The following NCR2 variants were observed in gnomAD, a reference collection of about 807,000 sequenced individuals.
NCR2 encodes NK cell activating receptor (NKp44).
NCR2 carries 35 observed loss-of-function variants against 30.7 expected under a neutral mutation model. The ratio of observed to expected loss-of-function variants is 1.14; its 90% CI spans 0.87 to 1.51. The LOEUF (loss-of-function observed/expected upper bound fraction) is 1.51. Among genes scored for constraint, NCR2 ranks in the 40% most tolerant of loss-of-function variants. NCR2 has a pLI of 0.00. For synonymous variants in NCR2, 146 were observed against 134.8 expected, an observed-to-expected ratio of 1.08 and a Z score of -0.58; for missense variants, 316 against 328.9, an observed-to-expected ratio of 0.96 and a Z score of 0.30.
intron 4 of NCR2, among the ~76,000 whole-genome samples, chr6:41,348,675 G>C (rs747360672): frequency 5.7e-4 from 86 of 152,044 alleles, no homozygotes; most frequent in Middle Eastern, 3.2e-3. Context: ...TCCTCAGGCT[G>C]CTTCCTGCCA....
intron 2 of NCR2, among the ~76,000 whole-genome samples, chr6:41,340,587 G>C (rs1769145113): frequency 6.6e-6 from 1 of 152,196 alleles, no homozygotes; most frequent in Admixed American, 6.5e-5. Flanking sequence ...TCTATATCCT[G>C]TTCAATGAGA....
At chr6:41,341,675 T>G in intron 2 of NCR2, 119 bp from the exon 3 acceptor site, 3 of 1,321,114 alleles carry the variant, frequency 2.3e-6, no homozygotes, top group Non-Finnish European at 3.1e-6. Flanking sequence ...ATTAGTTTTC[T>G]TCTCTGGGCG....
intron 4 of NCR2, among the ~76,000 whole-genome samples, chr6:41,343,366 C>A (rs994610026): frequency 6.6e-6 from 1 of 152,206 alleles, no homozygotes; most frequent in African/African-American, 2.4e-5. Flanking sequence ...TGTAATACCA[C>A]CACTGTGGGA....
rs1446576403 is a variant in NCR2, at chr6:41,347,933, C to T, written c.645-2745C>T. ...GCTTTGCCATGTGAGCCTTTCTTCA[C>T]GGCAAGGGAACTAACTTCCCAAGTG... On this transcript the variant is annotated intron_variant, in intron 4 of 4. Transcript: ENST00000373089. Among the ~76,000 whole-genome samples, 8 of 152,284 alleles carry T rather than the reference C, an allele frequency of 5.3e-5. No individual in the cohort carries two copies. In the South Asian group the frequency reaches 1.0e-3, roughly 20 times the overall value.
rs756040630 is a variant in NCR2 at position 41,336,071 on chromosome 6, C to T, written c.53-16C>T. On this transcript the variant is annotated splice_polypyrimidine_tract_variant and intron_variant, in intron 1 of 4. Transcript: ENST00000373089. ...GCGCGTGGCCTTGACCTATGCGTTACTTCATCATTCTCCAGGCTCTCAGGC... is the reference window on the plus strand; with the variant it reads ...GCGCGTGGCCTTGACCTATGCGTTATTTCATCATTCTCCAGGCTCTCAGGC... The T allele has an allele frequency of 3.7e-6, 6 of 1,609,434 alleles. No individual in the cohort carries two copies. The East Asian group carries it at 1.1e-4, about 30-fold the overall frequency.
chr6:41,344,313 T>C (rs1179706742), intron 4 of NCR2, among the ~76,000 whole-genome samples: 3 of 152,160 alleles, frequency 2.0e-5, no homozygotes, highest in Non-Finnish European at 2.9e-5. Context: ...CCTTTCTTTT[T>C]TCCTGCACAA....
chr6:41,342,535 A>G (rs530621739), intron 4 of NCR2, among the ~76,000 whole-genome samples: 5 of 128,698 alleles, frequency 3.9e-5, no homozygotes, highest in South Asian at 4.8e-4. Context: ...TCTTCCCTCT[A>G]CCTTTCTCCT....
At chr6:41,347,474 T>C (rs74401887) in intron 4 of NCR2, among the ~76,000 whole-genome samples, 6,660 of 152,312 alleles carry the variant, frequency 0.044, 341 homozygotes, top group East Asian at 0.29. Flanking sequence ...ACTATGCCAC[T>C]CCTTGAAACA....
Position 41,350,811 on chromosome 6 carries a change from C to A in NCR2, c.778C>A (p.His260Asn). 1.7e-6 allele frequency: 2 copies of A among 1,148,726 alleles called. No individual in the cohort carries two copies. Among genetic ancestry groups the A allele is most frequent in the Non-Finnish European group, 2.6e-6 (2 of 755,078 alleles). 71.2% of individuals were successfully genotyped at this position (1,148,726 alleles called of 1,614,324 possible). A position where few individuals can be genotyped will look rare whatever the true frequency, so the allele number is the denominator to read the frequency against. The change falls in exon 5 of 5, where the codon CAC becomes AAC. Residue 260 changes from histidine to asparagine, a missense_variant. Transcript: ENST00000373089. Reference sequence around the variant, plus strand: ...ACCTGTAGAGAGAGAAATATTATATCACACTGTTGCAAGGACTAAGATAAG... The same window carrying A: ...ACCTGTAGAGAGAGAAATATTATATAACACTGTTGCAAGGACTAAGATAAG... Reference protein sequence around the residue: ...SSPVEREILYHTVARTKISDD... With the variant: ...SSPVEREILYNTVARTKISDD...
chr6:41,340,401 A>T (rs1226957473), intron 2 of NCR2, among the ~76,000 whole-genome samples: 1 of 152,164 alleles, frequency 6.6e-6, no homozygotes, highest in Non-Finnish European at 1.5e-5. Flanking sequence ...ACCTCAAGTG[A>T]TCCACCTGCC....
chr6:41,346,691 C>T (rs1428438310), intron 4 of NCR2, among the ~76,000 whole-genome samples: 4 of 152,138 alleles, frequency 2.6e-5, no homozygotes, highest in Admixed American at 1.3e-4. Context: ...ACTGTCAGCA[C>T]GTGACCTTGA....
At chr6:41,336,541 T>A in intron 2 of NCR2, 113 bp downstream of exon 2, 4 of 840,726 alleles carry the variant, frequency 4.8e-6, no homozygotes, top group Non-Finnish European at 7.4e-6. Context: ...CCCAGTCTCC[T>A]GGGAAGGCTG....
At chr6:41,343,668 A>T (rs1165619018) in intron 4 of NCR2, among the ~76,000 whole-genome samples, 2 of 152,202 alleles carry the variant, frequency 1.3e-5, no homozygotes, top group Non-Finnish European at 2.9e-5. Context: ...AACAAAAAGA[A>T]ATTGGTCATT....
At chr6:41,336,008 T>G (rs1581657806) in intron 1 of NCR2, 79 bp from the exon 2 acceptor site, 1 of 1,585,534 alleles carries the variant, frequency 6.3e-7, no homozygotes, top group Non-Finnish European at 8.6e-7. Flanking sequence ...AGGGAGCAGG[T>G]GGCTCTGTGG....
At chr6:41,349,781 T>C (rs1033799064) in intron 4 of NCR2, among the ~76,000 whole-genome samples, 1 of 152,226 alleles carries the variant, frequency 6.6e-6, no homozygotes, top group Non-Finnish European at 1.5e-5. Flanking sequence ...TTTTACAGCA[T>C]AGCCTTGGTT....
At chr6:41,347,430 C>T (rs1031006467) in intron 4 of NCR2, among the ~76,000 whole-genome samples, 2 of 152,206 alleles carry the variant, frequency 1.3e-5, no homozygotes, top group Non-Finnish European at 2.9e-5. Context: ...ATTCTCTTTT[C>T]TTCTCTCTTG....
In NCR2 at chr6:41,350,786, AC is replaced by A; in HGVS notation, c.755del (p.Pro252LeufsTer2). Reference sequence around the variant, plus strand: ...ACCTTCCCTGGACCTCAGTTTCCTCACCTGTAGAGAGAGAAATATTATATCA... The same window carrying A: ...ACCTTCCCTGGACCTCAGTTTCCTCACTGTAGAGAGAGAAATATTATATCA... ...TDLPWTSVSS[P>X]VEREILYHTV... On this transcript the variant is annotated frameshift_variant, in exon 5 of 5. Coordinates refer to ENST00000373089, the MANE Select transcript of NCR2 (RefSeq NM_004828.4). LOFTEE classifies it high-confidence loss of function. The A allele has an allele frequency of 7.0e-7, 1 of 1,424,216 alleles. No individual in the cohort carries two copies. Among genetic ancestry groups the A allele is most frequent in the Non-Finnish European group, 9.9e-7 (1 of 1,006,822 alleles). 88.2% of individuals were successfully genotyped at this position (1,424,216 alleles called of 1,614,324 possible).
intron 4 of NCR2, among the ~76,000 whole-genome samples, chr6:41,350,049 T>C (rs910291412): frequency 2.0e-5 from 3 of 152,240 alleles, no homozygotes; most frequent in Non-Finnish European, 4.4e-5. Context: ...TCCACATTAC[T>C]GCAGATGACA....
At chr6:41,343,097 G>C (rs113053375) in intron 4 of NCR2, 1 of 1,298,036 alleles carries the variant, frequency 7.7e-7, no homozygotes, top group Non-Finnish European at 1.1e-6. Context: ...GCTGTTATCC[G>C]CAAAGAAAAG....
Sources: gnomAD v4.1 joint callset for allele counts (sites outside exome capture counted in the v4.1 genomes callset) on GRCh38, gnomAD v4.1.1 for gene constraint, MANE v1.5 for transcripts, NCBI Gene and HGNC (gene_info 2026-07-23, HGNC 2026-07-21) for gene names.